MYO7A: variants seen among roughly 807,000 people sequenced by gnomAD.
MYO7A encodes unconventional myosin-VIIa.
A neutral mutation model predicts 263.8 loss-of-function variants in MYO7A; 210 were observed. That is an observed-to-expected ratio of 0.80 (90% CI 0.71 to 0.89). MYO7A has a LOEUF of 0.89. Ranked by LOEUF, MYO7A falls within the 40% of genes least tolerant of loss-of-function variation. The pLI, the probability that MYO7A is intolerant of heterozygous loss-of-function variation, is 0.00. For synonymous variants in MYO7A, 1,239 were observed against 1,197.3 expected (o/e 1.03, Z -0.72); for missense variants, 2,820 against 2,968.3 (o/e 0.95, Z 1.16).
chr11:77,166,768 G>A (rs567852954), intron 15 of MYO7A, among the ~76,000 whole-genome samples: 3 of 152,244 alleles, frequency 2.0e-5, no homozygotes, highest in South Asian at 2.1e-4. Context: ...TAGGTGCCTG[G>A]CTGTCCCCTG....
intron 2 of MYO7A, among the ~76,000 whole-genome samples, chr11:77,135,057 T>C (rs1555047030): frequency 6.6e-6 from 1 of 152,164 alleles, no homozygotes; most frequent in Non-Finnish European, 1.5e-5. Flanking sequence ...AGTGCTGGAG[T>C]TACAGGAGTG....
At chr11:77,207,866 C>A (rs1006445768) in intron 42 of MYO7A, among the ~76,000 whole-genome samples, 33 of 152,314 alleles carry the variant, frequency 2.2e-4, no homozygotes, top group African/African-American at 7.0e-4. Flanking sequence ...AAAGCCCACG[C>A]CCCTGCCACC....
chr11:77,185,035 T>C (rs1312703261), intron 27 of MYO7A: 1 of 488,496 alleles, frequency 2.0e-6, no homozygotes, highest in Non-Finnish European at 3.7e-6. Context: ...ATATTTATAC[T>C]ATACTATAGT....
rs547585883 is a variant in MYO7A, at chr11:77,190,938, C to T, written c.3924+68C>T. On this transcript the variant is annotated intron_variant, in intron 30 of 48. Transcript: ENST00000409709. ...CCGGCCCCACTCCGGGCTGCCAGTG[C>T]TGCCACCTACTTGCCGGGGCTATTC... 5.9e-5 allele frequency: 85 copies of T among 1,447,686 alleles called. No individual in the cohort carries two copies. The South Asian group carries it at 1.1e-3, about 19-fold the overall frequency. The allele number at this position is 1,447,686 out of a possible 1,614,324, so 89.7% of individuals were successfully genotyped here. A position where few individuals can be genotyped will look rare whatever the true frequency, so the allele number is the denominator to read the frequency against.
chr11:77,204,098 C>T lies in MYO7A; in HGVS notation c.5349C>T (p.Asp1783=), dbSNP rs201008835. The stretch of plus-strand genomic sequence containing the variant: ...CAGCTGTGCTCAAGTACATGGGCGA[C>T]TACCCGTCCAAGAGGACACGCTCCG... ...AFIAVLKYMG[D]YPSKRTRSVN... The change falls in exon 39 of 49, where the codon GAC becomes GAT. Residue 1783 remains aspartate, a synonymous_variant. Transcript: ENST00000409709. The T allele has an allele frequency of 6.2e-7, 1 of 1,601,640 alleles. No homozygotes were observed. The highest frequency in any genetic ancestry group is 1.3e-5 in the African/African-American group (1 of 74,548).
At chr11:77,164,861 G>C (rs1215284450) in intron 14 of MYO7A, among the ~76,000 whole-genome samples, 10 of 152,212 alleles carry the variant, frequency 6.6e-5, no homozygotes, top group Non-Finnish European at 1.3e-4. Flanking sequence ...AGCCCAGAAA[G>C]GGAAATGGCT....
chr11:77,207,086 G>A (rs936659940), intron 41 of MYO7A: 6 of 486,722 alleles, frequency 1.2e-5, no homozygotes, highest in Non-Finnish European at 2.2e-5. Context: ...CCTTCTGCTT[G>A]GAGAGTCGGG....
intron 32 of MYO7A, among the ~76,000 whole-genome samples, chr11:77,195,301 GCCCGAACCCC>G (rs895883154): frequency 3.9e-5 from 6 of 151,972 alleles, no homozygotes; most frequent in African/African-American, 7.3e-5. Context: ...TTCCCCCGAG[GCCCGAACCCC>G]CCCGAACCCC....
chr11:77,143,340 G>A (rs782360543), intron 3 of MYO7A, among the ~76,000 whole-genome samples: 3 of 152,212 alleles, frequency 2.0e-5, no homozygotes, highest in Admixed American at 6.5e-5. Flanking sequence ...TTAAATGAAC[G>A]TCCACAGCCT....
chr11:77,169,081 A>G (rs1251907733), intron 15 of MYO7A, among the ~76,000 whole-genome samples: 2 of 152,388 alleles, frequency 1.3e-5, no homozygotes, highest in Non-Finnish European at 2.9e-5. Flanking sequence ...TAAAAGGAAG[A>G]TGAAAATCAG....
Position 77,157,355 on chromosome 11 carries a change from G to A in MYO7A, c.812G>A (p.Gly271Asp). ...GMSEDQKKKL[G>D]LGQASDYNYL... The stretch of plus-strand genomic sequence containing the variant: ...AGTGAGGATCAGAAGAAGAAGCTGG[G>A]CTTGGGCCAGGCCTCTGACTACAAC... Residue 271 changes from glycine (G) to aspartate (D), a missense_variant, in exon 8 of 49, where the codon GGC (glycine) becomes GAC (aspartate). Transcript: ENST00000409709. 6.2e-7 allele frequency: 1 copy of A among 1,611,484 alleles called. No individual in the cohort carries two copies. Among genetic ancestry groups the A allele is most frequent in the Non-Finnish European group, 8.5e-7 (1 of 1,178,866 alleles).
chr11:77,214,392 G>T (rs970310515), intron 48 of MYO7A, among the ~76,000 whole-genome samples: 1 of 152,188 alleles, frequency 6.6e-6, no homozygotes, highest in Non-Finnish European at 1.5e-5. Flanking sequence ...ACAAGCTAGG[G>T]GCTTAATGTG....
chr11:77,208,619 T>C, intron 43 of MYO7A, 78 bp from the exon 44 acceptor site: 1 of 1,495,956 alleles, frequency 6.7e-7, no homozygotes, highest in Non-Finnish European at 9.1e-7. Context: ...AGTGAGGGCC[T>C]CCTCTGGGTC....
intron 44 of MYO7A, among the ~76,000 whole-genome samples, chr11:77,209,801 G>C (rs1485729347): frequency 6.6e-6 from 1 of 152,176 alleles, no homozygotes; most frequent in Admixed American, 6.5e-5. Flanking sequence ...TTTCTCCACA[G>C]GGTGGTCATC....
intron 4 of MYO7A, among the ~76,000 whole-genome samples, chr11:77,154,167 GTCTTT>G (rs1952227444): frequency 1.3e-5 from 2 of 152,218 alleles, no homozygotes; most frequent in Non-Finnish European, 2.9e-5. Flanking sequence ...CAAAGGTTAT[GTCTTT>G]GCCCTTTAGT....
intron 32 of MYO7A, 100 bp downstream of exon 32, chr11:77,194,624 T>C: frequency 7.7e-7 from 1 of 1,298,428 alleles, no homozygotes; most frequent in Non-Finnish European, 1.0e-6. Flanking sequence ...CTGCGGGGGA[T>C]GGGATGGCAC....
At chr11:77,158,125 TGTG>T (rs1450161256) in intron 8 of MYO7A, among the ~76,000 whole-genome samples, 149 bp from the exon 9 acceptor site, 5 of 151,958 alleles carry the variant, frequency 3.3e-5, no homozygotes, top group African/African-American at 7.2e-5. Context: ...CTGGAGGAGT[TGTG>T]GTGCTCACCG....
intron 45 of MYO7A, 41 bp from the exon 46 acceptor site, chr11:77,211,780 C>T (rs776505463): frequency 2.0e-6 from 3 of 1,525,830 alleles, no homozygotes; most frequent in East Asian, 2.3e-5. Context: ...GCAGGCCTGT[C>T]CCCAGGACTG....
chr11:77,147,674 C>A, intron 3 of MYO7A, 124 bp from the exon 4 acceptor site: 1 of 1,264,180 alleles, frequency 7.9e-7, no homozygotes, highest in Non-Finnish European at 1.1e-6. Flanking sequence ...GTCTGGCTGC[C>A]AGAGAGGTCG....
Sources: gnomAD v4.1 joint callset for allele counts (sites outside exome capture counted in the v4.1 genomes callset) on GRCh38, gnomAD v4.1.1 for gene constraint, MANE v1.5 for transcripts, NCBI Gene and HGNC (gene_info 2026-07-23, HGNC 2026-07-21) for gene names.